SERF2: variants seen among roughly 807,000 people sequenced by gnomAD.
SERF2 encodes the protein small EDRK-rich factor 2.
SERF2 carries 4 observed loss-of-function variants against 10.7 expected under a neutral mutation model. The ratio of observed to expected loss-of-function variants is 0.37; its 90% CI spans 0.18 to 0.86. The LOEUF (loss-of-function observed/expected upper bound fraction) is 0.86, where lower values mean the gene tolerates loss of function less well. Among genes scored for constraint, SERF2 ranks in the 40% least tolerant of loss-of-function variants. The pLI is 0.43. For synonymous variants in SERF2, 26 were observed against 26.0 expected (o/e 1.00, Z 0.01); for missense variants, 47 against 79.1 (o/e 0.59, Z 1.54).
intron 1 of SERF2, among the ~76,000 whole-genome samples, chr15:43,780,430 C>T (rs905992262): frequency 1.3e-5 from 2 of 152,230 alleles, no homozygotes; most frequent in East Asian, 3.8e-4. Context: ...GCGTCAGCCA[C>T]CGCGCCCTGC....
chr15:43,795,474 C>T lies in SERF2; in HGVS notation c.*1701C>T, dbSNP rs2087189087. 1.9e-6 allele frequency: 3 copies of T among 1,614,216 alleles called. No homozygotes were observed. The highest frequency in any genetic ancestry group is 2.5e-6 in the Non-Finnish European group (3 of 1,180,038). On this transcript the variant is annotated 3_prime_UTR_variant, in exon 3 of 3. Coordinates refer to ENST00000249786, the MANE Select transcript of SERF2 (RefSeq NM_001018108.4). ...AGGCAGAATAGTTGTAGGAAAGATGCTGGACTTGGACTGGAGGAGCTGGAG... is the reference window on the plus strand; with the variant it reads ...AGGCAGAATAGTTGTAGGAAAGATGTTGGACTTGGACTGGAGGAGCTGGAG...
chr15:43,793,386 CT>C, intron 2 of SERF2: 2 of 608,814 alleles, frequency 3.3e-6, no homozygotes, highest in East Asian at 2.8e-5. Flanking sequence ...CAGCCCAGTA[CT>C]TTTGGCCCTC....
upstream of SERF2, among the ~76,000 whole-genome samples, chr15:43,790,830 C>G (rs549039625): frequency 6.6e-4 from 100 of 151,634 alleles, no homozygotes; most frequent in Non-Finnish European, 1.0e-3. Flanking sequence ...GTGGCGTGAT[C>G]TCGGCTCACT....
In SERF2 at chr15:43,794,243, T is replaced by A. The variant is rs2141684564; in HGVS notation, c.*470T>A. ...CCGGATATGCAGTAGAGGAATCCTC[T>A]AAGAACCATAGAGACTTCTTTTCTG... On this transcript the variant is annotated 3_prime_UTR_variant, in exon 3 of 3. Transcript: ENST00000249786. 2.4e-6 allele frequency: 1 copy of A among 417,840 alleles called. No homozygotes were observed. Among genetic ancestry groups the A allele is most frequent in the African/African-American group, 2.0e-5 (1 of 49,646 alleles). The allele number at this position is 417,840 out of a possible 1,614,324, so 25.9% of individuals were successfully genotyped here.
At chr15:43,783,054 C>A (rs577898581) in intron 1 of SERF2, among the ~76,000 whole-genome samples, 48 of 144,286 alleles carry the variant, frequency 3.3e-4, no homozygotes, top group Admixed American at 3.3e-3. Flanking sequence ...TGTCACCAGG[C>A]TGTAGTGCAG....
intron 1 of SERF2, chr15:43,777,872 C>T (rs2086933098): frequency 6.6e-6 from 1 of 151,996 alleles, no homozygotes; most frequent in Admixed American, 6.6e-5. Context: ...TCTGTTAAAT[C>T]CCTGGACCTG....
rs374113255 is a variant in SERF2 at position 43,795,140 on chromosome 15, A to C, written c.*1367A>C. 1 of 1,614,154 alleles carries C rather than the reference A, an allele frequency of 6.2e-7. No homozygotes were observed. Among genetic ancestry groups the C allele is most frequent in the African/African-American group, 1.3e-5 (1 of 75,038 alleles). The stretch of plus-strand genomic sequence containing the variant: ...AGATAGAGGAGTACGCAGGCCCAGC[A>C]TGAGGCAACCTTGACCCAGAAGGTG... On this transcript the variant is annotated 3_prime_UTR_variant, in exon 3 of 3. Transcript: ENST00000249786.
upstream of SERF2, among the ~76,000 whole-genome samples, chr15:43,790,704 G>T (rs564492437): frequency 4.7e-4 from 72 of 152,190 alleles, no homozygotes; most frequent in African/African-American, 1.6e-3. Context: ...AGGAAGCAGA[G>T]GTTGCAGTGA....
chr15:43,792,927 T>G (rs1339583538), intron 1 of SERF2, 48 bp from the exon 2 acceptor site: 10 of 1,361,056 alleles, frequency 7.3e-6, no homozygotes, highest in Non-Finnish European at 9.2e-6. Flanking sequence ...GTCGCCGGTG[T>G]GTGGGCAGAG....
chr15:43,782,793 T>C (rs2086974520), intron 1 of SERF2, among the ~76,000 whole-genome samples: 1 of 152,128 alleles, frequency 6.6e-6, no homozygotes, highest in Non-Finnish European at 1.5e-5. Flanking sequence ...TTCAGGAAGC[T>C]TTTGGACAAA....
At chr15:43,783,927 A>AGTTT (rs2086984388) in intron 1 of SERF2, among the ~76,000 whole-genome samples, 1 of 48,140 alleles carries the variant, frequency 2.1e-5, no homozygotes, top group Non-Finnish European at 3.7e-5. Flanking sequence ...ACGCCCAGCT[A>AGTTT]TTTTTTTTTT....
At chr15:43,783,990 G>A (rs1334266217) in intron 1 of SERF2, among the ~76,000 whole-genome samples, 3 of 108,172 alleles carry the variant, frequency 2.8e-5, no homozygotes, top group Admixed American at 1.4e-4. Context: ...TCATCATGTT[G>A]GCCAGGCTGG....
intron 1 of SERF2, 107 bp from the exon 2 acceptor site, chr15:43,792,868 A>G (rs2087100276): frequency 1.2e-6 from 1 of 812,574 alleles, no homozygotes; most frequent in African/African-American, 1.7e-5. Flanking sequence ...CGGGGCCCGG[A>G]GATTGAAGTG....
In SERF2 at chr15:43,794,068, G is replaced by A. The variant is rs2087143263; in HGVS notation, c.*295G>A. On this transcript the variant is annotated 3_prime_UTR_variant, in exon 3 of 3. Coordinates refer to ENST00000249786, the MANE Select transcript of SERF2 (RefSeq NM_001018108.4). Reference sequence around the variant, plus strand: ...ATTCCTTGAGCGCCTGGTTTGACTGGGGACTTGGGGGGATGGGGTTGGAAG... The same window carrying A: ...ATTCCTTGAGCGCCTGGTTTGACTGAGGACTTGGGGGGATGGGGTTGGAAG... 1 of 1,193,262 alleles carries A rather than the reference G, an allele frequency of 8.4e-7. No individual in the cohort carries two copies. Among genetic ancestry groups the A allele is most frequent in the Non-Finnish European group, 1.1e-6 (1 of 880,652 alleles). 73.9% of individuals were successfully genotyped at this position (1,193,262 alleles called of 1,614,324 possible). A position where few individuals can be genotyped will look rare whatever the true frequency, so the allele number is the denominator to read the frequency against.
upstream of SERF2, chr15:43,792,121 G>A: frequency 4.5e-6 from 2 of 446,508 alleles, no homozygotes; most frequent in Non-Finnish European, 8.4e-6. Flanking sequence ...CTCCAGGCCC[G>A]TCCCTACGTC....
At chr15:43,791,467 C>A (rs2087060083), upstream of SERF2, among the ~76,000 whole-genome samples, 2 of 151,520 alleles carry the variant, frequency 1.3e-5, no homozygotes, top group Admixed American at 1.3e-4. Flanking sequence ...GAACTCCTGA[C>A]CTTCTGATCT....
chr15:43,792,148 G>C, upstream of SERF2: 1 of 452,024 alleles, frequency 2.2e-6, no homozygotes, highest in East Asian at 5.0e-5. Flanking sequence ...GGGAAGCCCC[G>C]CCCCACGCTG....
chr15:43,791,110 G>T (rs2141676131), upstream of SERF2, among the ~76,000 whole-genome samples: 1 of 151,020 alleles, frequency 6.6e-6, no homozygotes, highest in South Asian at 2.1e-4. Context: ...GTCTCGCTCT[G>T]TCGCCCAGGC....
intron 1 of SERF2, among the ~76,000 whole-genome samples, chr15:43,783,452 C>T (rs1253431551): frequency 6.6e-6 from 1 of 152,064 alleles, no homozygotes; most frequent in South Asian, 2.1e-4. Context: ...CATGTGCCAC[C>T]ACGCCTGGCT....
Sources: allele counts gnomAD v4.1 joint callset (sites outside exome capture counted in the v4.1 genomes callset), GRCh38; gene constraint gnomAD v4.1.1; transcripts MANE v1.5; gene names NCBI Gene and HGNC (gene_info 2026-07-23, HGNC 2026-07-21).